BAIAP2: variants seen among roughly 807,000 people sequenced by gnomAD.
BAIAP2 encodes the protein BAR/IMD domain containing adaptor protein 2.
Under a neutral mutation model 63.0 loss-of-function variants are expected in BAIAP2, and 18 were observed. The ratio of observed to expected loss-of-function variants is 0.29; its 90% CI spans 0.20 to 0.42. The LOEUF (loss-of-function observed/expected upper bound fraction) is 0.42. Ranked by LOEUF, BAIAP2 falls within the 10% of genes least tolerant of loss-of-function variation. The probability of loss-of-function intolerance (pLI) is 1.00; values close to 1 mark genes in which losing one functional copy is unlikely to be tolerated. For missense variants in BAIAP2, 610 were observed against 734.3 expected, an observed-to-expected ratio of 0.83 and a Z score of 1.96; for synonymous variants, 386 against 307.6, an observed-to-expected ratio of 1.25 and a Z score of -2.67.
At chr17:81,063,795 G>T (rs74884680) in intron 3 of BAIAP2, 5 of 152,326 alleles carry the variant, frequency 3.3e-5, no homozygotes, top group African/African-American at 1.2e-4. Flanking sequence ...CGGGGACGTT[G>T]CTCATTTCTG....
At chr17:81,038,695 T>C (rs1019460513) in intron 1 of BAIAP2, among the ~76,000 whole-genome samples, 2 of 152,236 alleles carry the variant, frequency 1.3e-5, no homozygotes, top group East Asian at 1.9e-4. Context: ...GTGGGCGTCA[T>C]GTGCTGGGTG....
intron 6 of BAIAP2, among the ~76,000 whole-genome samples, chr17:81,089,303 G>T (rs529198031): frequency 7.2e-5 from 11 of 152,222 alleles, no homozygotes; most frequent in Non-Finnish European, 1.2e-4. Context: ...CACCTCCAGT[G>T]CCTCGGTGGA....
chr17:81,065,341 A>G (rs1348277102), intron 3 of BAIAP2, among the ~76,000 whole-genome samples: 1 of 152,144 alleles, frequency 6.6e-6, no homozygotes, highest in Non-Finnish European at 1.5e-5. Flanking sequence ...CTGAGCTGAG[A>G]GCCTCAGGAA....
chr17:81,051,891 C>T (rs1055842280), intron 1 of BAIAP2, among the ~76,000 whole-genome samples: 40 of 152,172 alleles, frequency 2.6e-4, no homozygotes, highest in Non-Finnish European at 4.4e-4. Flanking sequence ...GGTCTTACCA[C>T]GTTGCCCAGG....
intron 6 of BAIAP2, among the ~76,000 whole-genome samples, chr17:81,088,132 G>A (rs2056036096): frequency 1.3e-5 from 2 of 152,108 alleles, no homozygotes; most frequent in South Asian, 4.1e-4. Flanking sequence ...GCAGCGGACG[G>A]CACCCCTGCG....
chr17:81,097,711 G>GA (rs2057867354), intron 6 of BAIAP2: 2 of 162,384 alleles, frequency 1.2e-5, no homozygotes, highest in Admixed American at 6.4e-5. Flanking sequence ...GTAGGCACAG[G>GA]AGGAGAGGCG....
chr17:81,050,896 G>A (rs985459405), intron 1 of BAIAP2, among the ~76,000 whole-genome samples: 1 of 151,472 alleles, frequency 6.6e-6, no homozygotes, highest in Admixed American at 6.6e-5. Context: ...CAAGAAACGC[G>A]CATCCGGCAG....
At chr17:81,050,695 G>A (rs1483955007) in intron 1 of BAIAP2, among the ~76,000 whole-genome samples, 4 of 145,976 alleles carry the variant, frequency 2.7e-5, no homozygotes, top group African/African-American at 1.0e-4. Flanking sequence ...AAACATGCTT[G>A]ATGCTGCAGC....
At position 81,112,133 on chromosome 17, in the gene BAIAP2, C is replaced by T. The variant is rs116610739; in HGVS notation, c.1535+3624C>T. 6.2e-3 allele frequency among the ~76,000 whole-genome samples: 952 copies of T among 152,338 alleles called. 11 individuals carry two copies. Among genetic ancestry groups the T allele is most frequent in the African/African-American group, 0.019 (793 of 41,566 alleles). On this transcript the variant is annotated intron_variant, in intron 13 of 13. Coordinates refer to ENST00000428708, the MANE Select transcript of BAIAP2 (RefSeq NM_001144888.2). The stretch of plus-strand genomic sequence containing the variant: ...GCCTCCATCTTCCTCCCTTCCGAGA[C>T]GCTGTTTCTGGGAGGCCTCCAGACC...
intron 6 of BAIAP2, among the ~76,000 whole-genome samples, chr17:81,099,142 A>G (rs75395954): frequency 5.3e-5 from 8 of 150,282 alleles, no homozygotes; most frequent in African/African-American, 1.5e-4. Context: ...TGTGGATCTG[A>G]TCTTGCTGTC....
At chr17:81,109,598 G>A (rs986924071) in intron 13 of BAIAP2, 5 of 985,200 alleles carry the variant, frequency 5.1e-6, no homozygotes, top group Non-Finnish European at 4.8e-6. Context: ...TGCCAAGCTC[G>A]AGGGGCCTCC....
intron 13 of BAIAP2, chr17:81,109,557 T>TGTG: frequency 1.0e-6 from 1 of 985,240 alleles, no homozygotes; most frequent in Non-Finnish European, 1.2e-6. Flanking sequence ...CCCCGGCCCC[T>TGTG]GTGGAGGGGT....
At chr17:81,045,521 G>C (rs72851899) in intron 1 of BAIAP2, among the ~76,000 whole-genome samples, 3 of 150,224 alleles carry the variant, frequency 2.0e-5, no homozygotes, top group African/African-American at 7.3e-5. Context: ...CCCTCCTGGC[G>C]GGAGGCCACC....
intron 3 of BAIAP2, among the ~76,000 whole-genome samples, chr17:81,071,460 C>T (rs932800332): frequency 6.6e-6 from 1 of 152,238 alleles, no homozygotes; most frequent in Non-Finnish European, 1.5e-5. Context: ...TTGTGGATAG[C>T]TACTTCAGAA....
At position 81,103,549 on chromosome 17, in the gene BAIAP2, T is replaced by G. The variant is rs779452421; in HGVS notation, c.690T>G (p.Cys230Trp). Reference protein sequence around the residue: ...AQKLPLWQQACADPSKIPERA... With the variant: ...AQKLPLWQQAWADPSKIPERA... ...AGCTGCCGCTGTGGCAACAGGCCTG[T>G]GCCGACCCCAGCAAGATCCCGGAGC... is the stretch of plus-strand genomic sequence containing the variant. Residue 230 changes from cysteine (C) to tryptophan (W), a missense_variant, in exon 8 of 14, where the codon TGT becomes TGG. By Grantham distance (215) the Cys-to-Trp change is radical (BLOSUM62 -2). Coordinates refer to ENST00000428708, the MANE Select transcript of BAIAP2 (RefSeq NM_001144888.2). The G allele has an allele frequency of 6.3e-7, 1 of 1,597,706 alleles. No individual in the cohort carries two copies. Among genetic ancestry groups the G allele is most frequent in the East Asian group, 2.2e-5 (1 of 44,618 alleles).
Position 81,100,063 on chromosome 17 carries a change from G to T in BAIAP2, c.625G>T (p.Ala209Ser). The T allele has an allele frequency of 6.2e-7, 1 of 1,611,178 alleles. No homozygotes were observed. The highest frequency in any genetic ancestry group is 1.1e-5 in the South Asian group (1 of 91,002). The change falls in exon 7 of 14, where the codon GCG becomes TCG. Residue 209 changes from alanine (A) to serine (S), a missense_variant. Ala to Ser is a moderately conservative substitution (Grantham distance 99). Coordinates refer to ENST00000428708, the MANE Select transcript of BAIAP2 (RefSeq NM_001144888.2). ...GCAGTGCGCCGTGGCCAAGAACTCC[G>T]CGGCCTACCACTCCAAGGTGAGGCG... ...EKQCAVAKNS[A>S]AYHSKGKELL...
intron 6 of BAIAP2, among the ~76,000 whole-genome samples, chr17:81,096,634 C>T (rs182694828): frequency 4.5e-4 from 69 of 152,354 alleles, no homozygotes; most frequent in African/African-American, 1.6e-3. Context: ...GCACACCCTC[C>T]CCACCCAGTC....
chr17:81,109,388 A>T, intron 13 of BAIAP2: 1 of 902,476 alleles, frequency 1.1e-6, no homozygotes, highest in Non-Finnish European at 1.3e-6. Flanking sequence ...AAAAAAAAAA[A>T]AAAAAAAGAA....
intron 1 of BAIAP2, among the ~76,000 whole-genome samples, chr17:81,049,080 G>A (rs796506699): frequency 2.6e-5 from 4 of 152,362 alleles, no homozygotes; most frequent in African/African-American, 9.6e-5. Context: ...AGTCCGTGCC[G>A]GCCCGGGAAC....
Sources: allele counts gnomAD v4.1 joint callset (sites outside exome capture counted in the v4.1 genomes callset), GRCh38; gene constraint gnomAD v4.1.1; transcripts MANE v1.5; gene names NCBI Gene and HGNC (gene_info 2026-07-23, HGNC 2026-07-21).